The following CPS1 variants were observed in gnomAD, a reference collection of about 807,000 sequenced individuals.
The protein encoded by CPS1 is carbamoyl-phosphate synthase [ammonia], mitochondrial.
In CPS1, 109 loss-of-function variants were observed where a neutral mutation model predicts 174.6. The observed-to-expected ratio is 0.62, with a 90% CI of 0.53 to 0.73. The LOEUF (loss-of-function observed/expected upper bound fraction) is 0.73. Ranked by LOEUF, CPS1 falls within the 30% of genes least tolerant of loss-of-function variation. The pLI is 0.00. For missense variants in CPS1, 1,689 were observed against 1,821.9 expected (o/e 0.93, Z 1.33); for synonymous variants, 637 against 632.0 (o/e 1.01, Z -0.12).
intron 1 of CPS1, among the ~76,000 whole-genome samples, chr2:210,482,414 C>T (rs146116951): frequency 4.1e-4 from 63 of 152,064 alleles, no homozygotes; most frequent in Admixed American, 1.2e-3. Flanking sequence ...GCAATTCTCC[C>T]ACCGCAGCCC....
chr2:210,513,521 T>C (rs1344794766), intron 1 of CPS1, among the ~76,000 whole-genome samples: 1 of 151,674 alleles, frequency 6.6e-6, no homozygotes, highest in African/African-American at 2.4e-5. Context: ...CTGTTGCCTG[T>C]TTTTTAATGG....
At chr2:210,572,787 A>G (rs1697547880) in intron 1 of CPS1, among the ~76,000 whole-genome samples, 1 of 152,034 alleles carries the variant, frequency 6.6e-6, no homozygotes, top group African/African-American at 2.4e-5. Context: ...GGAAAGGGCA[A>G]CCCTTGGGAC....
At chr2:210,481,331 T>C (rs1694564284) in intron 1 of CPS1, among the ~76,000 whole-genome samples, 1 of 152,226 alleles carries the variant, frequency 6.6e-6, no homozygotes, top group Admixed American at 6.5e-5. Context: ...ATTGCATTGT[T>C]AAATTTATGC....
chr2:210,576,605 A>AG, intron 3 of CPS1, 115 bp downstream of exon 3: 1 of 1,088,498 alleles, frequency 9.2e-7, no homozygotes. Flanking sequence ...CAAATCATTA[A>AG]GCTCATGTAT....
chr2:210,608,440 A>T lies in CPS1; in HGVS notation c.2272A>T (p.Thr758Ser). The T allele has an allele frequency of 6.2e-7, 1 of 1,612,610 alleles. No homozygotes were observed. Among genetic ancestry groups the T allele is most frequent in the Non-Finnish European group, 8.5e-7 (1 of 1,179,030 alleles). ...AATTAAGAACGTCGTATCCGGGAAG[A>T]CATCAGCCTGTTTTGAACCTAGCCT... The part of the protein sequence containing the change: ...PEIKNVVSGK[T>S]SACFEPSLDY... Residue 758 changes from threonine to serine, a missense_variant, in exon 19 of 38, where the codon ACA becomes TCA. Thr to Ser is a moderately conservative substitution (Grantham distance 58). Transcript: ENST00000233072.
chr2:210,536,292 G>A (rs1574500657), intron 1 of CPS1, among the ~76,000 whole-genome samples: 1 of 146,236 alleles, frequency 6.8e-6, no homozygotes, highest in South Asian at 2.2e-4. Context: ...TTAAATATAT[G>A]TATTTTGATT....
At position 210,580,594 on chromosome 2, in the gene CPS1, G is replaced by T. The variant is rs1697891135; in HGVS notation, c.528+824G>T. On this transcript the variant is annotated intron_variant, in intron 5 of 37. Coordinates refer to ENST00000233072, the MANE Select transcript of CPS1 (RefSeq NM_001875.5). ...CTACACATGTGGGCTGGGTGCAGTGGGTCATGCCTGTAATCCCAGCACTTT... is the reference window on the plus strand; with the variant it reads ...CTACACATGTGGGCTGGGTGCAGTGTGTCATGCCTGTAATCCCAGCACTTT... Among the ~76,000 whole-genome samples, 4 of 151,966 alleles carry T rather than the reference G, an allele frequency of 2.6e-5. No individual in the cohort carries two copies. In the South Asian group the frequency reaches 8.3e-4, roughly 32 times the overall value.
At chr2:210,486,158 A>ACACACC (rs1438539298) in intron 1 of CPS1, among the ~76,000 whole-genome samples, 2 of 111,974 alleles carry the variant, frequency 1.8e-5, no homozygotes, top group East Asian at 2.4e-4. Context: ...ACACACACAC[A>ACACACC]CCCTGTATAT....
chr2:210,576,770 G>A (rs1174539242), intron 3 of CPS1, among the ~76,000 whole-genome samples: 1 of 152,026 alleles, frequency 6.6e-6, no homozygotes, highest in Non-Finnish European at 1.5e-5. Flanking sequence ...GCTATAAAAG[G>A]ATTGGGGAAG....
At chr2:210,645,776 C>T (rs542380241) in intron 25 of CPS1, among the ~76,000 whole-genome samples, 2 of 152,108 alleles carry the variant, frequency 1.3e-5, no homozygotes, top group Non-Finnish European at 2.9e-5. Flanking sequence ...AAGCTCTATA[C>T]ATGTATTTGC....
intron 1 of CPS1, among the ~76,000 whole-genome samples, chr2:210,481,511 A>G (rs79313224): frequency 0.03 from 4,504 of 152,300 alleles, 215 homozygotes; most frequent in African/African-American, 0.1. Flanking sequence ...ATATATTACC[A>G]AAGCCCTGCA....
chr2:210,503,754 G>C (rs2105965712), intron 1 of CPS1, among the ~76,000 whole-genome samples: 1 of 152,266 alleles, frequency 6.6e-6, no homozygotes, highest in African/African-American at 2.4e-5. Flanking sequence ...AATGTTGTTT[G>C]TTCATAGCAG....
At chr2:210,489,807 G>T (rs1694821754) in intron 1 of CPS1, among the ~76,000 whole-genome samples, 1 of 152,006 alleles carries the variant, frequency 6.6e-6, no homozygotes, top group Non-Finnish European at 1.5e-5. Context: ...GACCATCCTG[G>T]CTAACATGGT....
At chr2:210,674,761 AG>A (rs1701464139) in intron 34 of CPS1, 140 bp from the exon 35 acceptor site, 3 of 729,466 alleles carry the variant, frequency 4.1e-6, no homozygotes, top group Non-Finnish European at 7.4e-6. Context: ...GAAGGATAAA[AG>A]GATAAAACTT....
At chr2:210,578,075 A>G (rs1423898781) in intron 4 of CPS1, among the ~76,000 whole-genome samples, 3 of 152,068 alleles carry the variant, frequency 2.0e-5, no homozygotes, top group Non-Finnish European at 2.9e-5. Flanking sequence ...AAGGGTTATA[A>G]AACTTTATCT....
At chr2:210,608,661 A>C (rs1699009841) in intron 19 of CPS1, 102 bp downstream of exon 19, 1 of 1,095,876 alleles carries the variant, frequency 9.1e-7, no homozygotes, top group Non-Finnish European at 1.4e-6. Flanking sequence ...CCATCAACAC[A>C]TGGACAGTGT....
chr2:210,636,725 A>G (rs1700052011), intron 21 of CPS1, among the ~76,000 whole-genome samples: 1 of 152,116 alleles, frequency 6.6e-6, no homozygotes. Context: ...TGTGGATGAC[A>G]GCAAACCAAA....
In CPS1 at chr2:210,556,683, A is replaced by G. The variant is rs1324555695; in HGVS notation, c.-51A>G. On this transcript the variant is annotated 5_prime_UTR_variant, in exon 1 of 38. Transcript: ENST00000233072. ...ATTAACTAAAAAGTCTTATCACACA[A>G]TCTCATAAAATTTATGTAATTTCAT... is the stretch of plus-strand genomic sequence containing the variant. 6.2e-7 allele frequency: 1 copy of G among 1,608,830 alleles called. No homozygotes were observed. Among genetic ancestry groups the G allele is most frequent in the African/African-American group, 1.3e-5 (1 of 74,542 alleles).
At position 210,668,444 on chromosome 2, in the gene CPS1, C is replaced by G. The variant is rs1221426631; in HGVS notation, c.4101+160C>G. On this transcript the variant is annotated intron_variant, in intron 34 of 37. Transcript: ENST00000233072. ...AGGGACATTTGTTCTCTATTTGCTTCCTGATTTTGCCTTCTGTTGTATCAG... is the reference window on the plus strand; with the variant it reads ...AGGGACATTTGTTCTCTATTTGCTTGCTGATTTTGCCTTCTGTTGTATCAG... 2.0e-5 allele frequency among the ~76,000 whole-genome samples: 3 copies of G among 152,086 alleles called. No individual in the cohort carries two copies. The East Asian group carries it at 5.8e-4, about 29-fold the overall frequency.
Sources: gnomAD v4.1 joint callset for allele counts (sites outside exome capture counted in the v4.1 genomes callset) on GRCh38, gnomAD v4.1.1 for gene constraint, MANE v1.5 for transcripts, NCBI Gene and HGNC (gene_info 2026-07-23, HGNC 2026-07-21) for gene names.